COL4A3: variants seen among roughly 807,000 people sequenced by gnomAD.
COL4A3 encodes the protein collagen alpha-3(IV) chain.
Under a neutral mutation model 217.4 loss-of-function variants are expected in COL4A3, and 135 were observed. The observed-to-expected ratio is 0.62, with a 90% CI of 0.54 to 0.72. The LOEUF (loss-of-function observed/expected upper bound fraction) is 0.72, where lower values mean the gene tolerates loss of function less well. Among genes scored for constraint, COL4A3 ranks in the 30% least tolerant of loss-of-function variants. The pLI is 0.00. For missense variants in COL4A3, 1,868 were observed against 2,119.9 expected, an observed-to-expected ratio of 0.88 and a Z score of 2.33; for synonymous variants, 690 against 736.3, an observed-to-expected ratio of 0.94 and a Z score of 1.02.
At position 227,270,969 on chromosome 2, in the gene COL4A3, T is replaced by C. The variant is rs2125991537; in HGVS notation, c.1758+17T>C. On this transcript the variant is annotated intron_variant, in intron 25 of 51. Transcript: ENST00000396578. Reference sequence around the variant, plus strand: ...GGCGAACTGGTTGGTATTTAGCAACTTTACCCTCCCTATAAATGAAGTACT... The same window carrying C: ...GGCGAACTGGTTGGTATTTAGCAACCTTACCCTCCCTATAAATGAAGTACT... 6.2e-7 allele frequency: 1 copy of C among 1,612,674 alleles called. No individual in the cohort carries two copies. The highest frequency in any genetic ancestry group is 8.5e-7 in the Non-Finnish European group (1 of 1,178,776).
chr2:227,240,673 A>T (rs1332571089), intron 3 of COL4A3, among the ~76,000 whole-genome samples: 1 of 152,176 alleles, frequency 6.6e-6, no homozygotes, highest in Non-Finnish European at 1.5e-5. Context: ...TAAACATGCA[A>T]ATATTTTCCA....
chr2:227,237,419 CA>C (rs973932745), intron 1 of COL4A3, among the ~76,000 whole-genome samples: 3 of 151,922 alleles, frequency 2.0e-5, no homozygotes, highest in African/African-American at 7.3e-5. Flanking sequence ...AAAGTAATGG[CA>C]AAAAAATTGT....
In COL4A3 at chr2:227,276,440, A is replaced by G. The variant is rs1464752882; in HGVS notation, c.1983A>G (p.Pro661=). Residue 661 remains proline (P), a synonymous_variant, in exon 27 of 52, where the codon CCA becomes CCG. Transcript: ENST00000396578. ...CAGTTCCAGGCCCACCAGGACCTCC[A>G]GGGCCCCCTGGCCATCCTGGCCCCC... is the stretch of plus-strand genomic sequence containing the variant. ...STPVPGPPGP[P]GPPGHPGPQG... is the part of the protein sequence containing the mutation. The G allele has an allele frequency of 6.2e-7, 1 of 1,614,196 alleles. No homozygotes were observed.
intron 20 of COL4A3, among the ~76,000 whole-genome samples, chr2:227,261,518 C>CT (rs1474996540): frequency 6.6e-6 from 1 of 152,220 alleles, no homozygotes; most frequent in Admixed American, 6.5e-5. Flanking sequence ...CAGTGAGACT[C>CT]TATCTCAAAA....
At position 227,282,967 on chromosome 2, in the gene COL4A3, A is replaced by G. The variant is rs2072076261; in HGVS notation, c.2656+435A>G. The stretch of plus-strand genomic sequence containing the variant: ...AATCGACGCTCTTTAAACATTTGGT[A>G]GAATTCACCAGTGAAGTTATCTGGG... On this transcript the variant is annotated intron_variant, in intron 32 of 51. Transcript: ENST00000396578. The surrounding 1 kb of genome is among the most constrained non-coding windows in gnomAD (Gnocchi z 4.4). 6.6e-6 allele frequency among the ~76,000 whole-genome samples: 1 copy of G among 152,178 alleles called. No individual in the cohort carries two copies. The highest frequency in any genetic ancestry group is 1.5e-5 in the Non-Finnish European group (1 of 68,032).
At chr2:227,166,545 C>A (rs2125623931) in intron 1 of COL4A3, among the ~76,000 whole-genome samples, 1 of 152,284 alleles carries the variant, frequency 6.6e-6, no homozygotes, top group African/African-American at 2.4e-5. Context: ...CTAGTTATAC[C>A]ATTTTCAATT....
Position 227,298,673 on chromosome 2 carries a change from T to A in COL4A3, c.3752-9T>A. The A allele has an allele frequency of 6.2e-7, 1 of 1,613,682 alleles. No individual in the cohort carries two copies. Among genetic ancestry groups the A allele is most frequent in the Non-Finnish European group, 8.5e-7 (1 of 1,179,780 alleles). ...GCTGGCAATACTGACAGACTTTTCATGAATTCAGGTGCGCCTGGTCCCCCT... is the reference window on the plus strand; with the variant it reads ...GCTGGCAATACTGACAGACTTTTCAAGAATTCAGGTGCGCCTGGTCCCCCT... On this transcript the variant is annotated splice_polypyrimidine_tract_variant and intron_variant, in intron 42 of 51. Coordinates refer to ENST00000396578, the MANE Select transcript of COL4A3 (RefSeq NM_000091.5).
At position 227,164,856 on chromosome 2, in the gene COL4A3, C is replaced by G. The variant is rs2065159149; in HGVS notation, c.87+43C>G. ...GACCCCCACCCCCGCACTTCCATCC[C>G]TCCTCCACGCGTCCGGGGGACGCGC... On this transcript the variant is annotated intron_variant, in intron 1 of 51. Coordinates refer to ENST00000396578, the MANE Select transcript of COL4A3 (RefSeq NM_000091.5). This position sits in a 1 kb window ranked among gnomAD's most constrained non-coding sequence, Gnocchi z 4.8. 3 of 1,456,706 alleles carry G rather than the reference C, an allele frequency of 2.1e-6. No homozygotes were observed. Among genetic ancestry groups the G allele is most frequent in the Non-Finnish European group, 2.7e-6 (3 of 1,111,476 alleles). 90.2% of individuals were successfully genotyped at this position (1,456,706 alleles called of 1,614,324 possible). A position where few individuals can be genotyped will look rare whatever the true frequency, so the allele number is the denominator to read the frequency against.
At chr2:227,289,270 A>G (rs1203679251) in intron 35 of COL4A3, 22 bp downstream of exon 35, 22 of 1,586,126 alleles carry the variant, frequency 1.4e-5, no homozygotes, top group Non-Finnish European at 1.8e-5. Context: ...TCTCAAATAG[A>G]AAAATATCAC....
chr2:227,226,257 G>A (rs1447923822), intron 1 of COL4A3, among the ~76,000 whole-genome samples: 2 of 151,992 alleles, frequency 1.3e-5, no homozygotes, highest in Non-Finnish European at 2.9e-5. Flanking sequence ...AAGAACTTTT[G>A]GACTAGAGGA....
chr2:227,267,372 T>C (rs2125983293), intron 23 of COL4A3, among the ~76,000 whole-genome samples: 1 of 152,344 alleles, frequency 6.6e-6, no homozygotes, highest in Middle Eastern at 3.4e-3. Context: ...CTGAAGGCAG[T>C]GAAGCAGCTG....
At chr2:227,249,230 A>ATATATATATATTTTTTTTT in intron 9 of COL4A3, among the ~76,000 whole-genome samples, 1 of 14,694 alleles carries the variant, frequency 6.8e-5, no homozygotes, top group Non-Finnish European at 1.2e-4. Context: ...ATATATATAT[A>ATATATATATATTTTTTTTT]TTTTTTTTTT....
At chr2:227,186,918 A>G (rs2066054638) in intron 1 of COL4A3, among the ~76,000 whole-genome samples, 3 of 152,122 alleles carry the variant, frequency 2.0e-5, no homozygotes, top group Admixed American at 2.0e-4. Flanking sequence ...TTCATAGATA[A>G]TACTTTCTCA....
At chr2:227,267,937 C>T (rs887662425) in intron 23 of COL4A3, among the ~76,000 whole-genome samples, 2 of 152,224 alleles carry the variant, frequency 1.3e-5, no homozygotes, top group South Asian at 2.1e-4. Flanking sequence ...CCTCTGCTTT[C>T]GACCTCCCCG....
chr2:227,246,102 G>T, intron 6 of COL4A3, 86 bp downstream of exon 6: 1 of 1,075,478 alleles, frequency 9.3e-7, no homozygotes, highest in Non-Finnish European at 1.4e-6. Flanking sequence ...AGGCAGACAG[G>T]CTTCCCTTGA....
At chr2:227,248,306 A>C in intron 8 of COL4A3, 137 bp from the exon 9 acceptor site, 1 of 729,588 alleles carries the variant, frequency 1.4e-6, no homozygotes, top group Non-Finnish European at 2.5e-6. Context: ...AATAATTACA[A>C]AATCATAAAT....
chr2:227,188,007 T>A (rs571638418), intron 1 of COL4A3, among the ~76,000 whole-genome samples: 35 of 152,268 alleles, frequency 2.3e-4, no homozygotes, highest in South Asian at 1.0e-3. Flanking sequence ...AAGAATACAG[T>A]TTATAACAAA....
In COL4A3 at chr2:227,272,951, T is replaced by C; in HGVS notation, c.1761T>C (p.Ala587=). Residue 587 remains alanine (A), a splice_region_variant and synonymous_variant, in exon 26 of 52, where the codon GCT becomes GCC. Coordinates refer to ENST00000396578, the MANE Select transcript of COL4A3 (RefSeq NM_000091.5). Reference sequence around the variant, plus strand: ...CAAACACATTCCTGTTGTCACAGGCTCTGAGTGGTGAGAAAGGGGACCAAG... The same window carrying C: ...CAAACACATTCCTGTTGTCACAGGCCCTGAGTGGTGAGAAAGGGGACCAAG... ...KGLPGPKGEL[A]LSGEKGDQGP... 6.2e-7 allele frequency: 1 copy of C among 1,614,046 alleles called. No individual in the cohort carries two copies. The highest frequency in any genetic ancestry group is 8.5e-7 in the Non-Finnish European group (1 of 1,179,976).
At position 227,164,992 on chromosome 2, in the gene COL4A3, A is replaced by G. The variant is rs1469811756; in HGVS notation, c.87+179A>G. 6.6e-6 allele frequency among the ~76,000 whole-genome samples: 1 copy of G among 152,156 alleles called. No homozygotes were observed. Among genetic ancestry groups the G allele is most frequent in the African/African-American group, 2.4e-5 (1 of 41,456 alleles). Reference sequence around the variant, plus strand: ...AGCGAGCGGAAGGGAGCAAGCGGGGATGCCCCGGAACAGGTGGAATGCGCG... The same window carrying G: ...AGCGAGCGGAAGGGAGCAAGCGGGGGTGCCCCGGAACAGGTGGAATGCGCG... On this transcript the variant is annotated intron_variant, in intron 1 of 51. Coordinates refer to ENST00000396578, the MANE Select transcript of COL4A3 (RefSeq NM_000091.5). The surrounding 1 kb of genome is among the most constrained non-coding windows in gnomAD (Gnocchi z 4.8).
Sources: allele counts gnomAD v4.1 joint callset (sites outside exome capture counted in the v4.1 genomes callset), GRCh38; gene constraint gnomAD v4.1.1; non-coding constraint Gnocchi (gnomAD v3.1); transcripts MANE v1.5; gene names NCBI Gene and HGNC (gene_info 2026-07-23, HGNC 2026-07-21).